Variants in ANO6 observed in about 807,000 individuals in gnomAD.
ANO6 encodes the protein anoctamin 6, also known as anoctamin-6.
In ANO6, 106 loss-of-function variants were observed where a neutral mutation model predicts 117.5. The ratio of observed to expected loss-of-function variants is 0.90; its 90% CI spans 0.77 to 1.06. The LOEUF (loss-of-function observed/expected upper bound fraction) is 1.06. Ranked by LOEUF, ANO6 falls within the 50% of genes least tolerant of loss-of-function variation. The probability of loss-of-function intolerance (pLI) is 0.00; values close to 1 mark genes in which losing one functional copy is unlikely to be tolerated. For synonymous variants in ANO6, 367 were observed against 385.1 expected (o/e 0.95, Z 0.55); for missense variants, 955 against 1,121.1 (o/e 0.85, Z 2.12).
chr12:45,218,390 CTTTTTTT>C (rs76855973), intron 1 of ANO6, among the ~76,000 whole-genome samples: 11 of 110,134 alleles, frequency 1.0e-4, no homozygotes, highest in Non-Finnish European at 1.4e-4. Context: ...CTTTCTTTCT[CTTTTTTT>C]TTTTTTTTTT....
At chr12:45,319,195 G>A (rs541632282) in intron 2 of ANO6, among the ~76,000 whole-genome samples, 15 of 152,260 alleles carry the variant, frequency 9.9e-5, no homozygotes, top group Admixed American at 2.0e-4. Flanking sequence ...TCTTGTGCCA[G>A]GTTTCAAAGG....
At chr12:45,340,933 A>G (rs887847905) in intron 3 of ANO6, among the ~76,000 whole-genome samples, 3 of 152,212 alleles carry the variant, frequency 2.0e-5, no homozygotes, top group African/African-American at 7.2e-5. Context: ...CTGACAAACC[A>G]AGAAAACTGG....
chr12:45,301,983 T>A, intron 1 of ANO6, 31 bp from the exon 2 acceptor site: 1 of 1,599,256 alleles, frequency 6.3e-7, no homozygotes, highest in Non-Finnish European at 8.6e-7. Flanking sequence ...AGGTTCATGC[T>A]TCATTTGTTT....
At chr12:45,263,091 T>A (rs187388905) in intron 1 of ANO6, among the ~76,000 whole-genome samples, 152 of 152,034 alleles carry the variant, frequency 1.0e-3, no homozygotes, top group African/African-American at 1.9e-3. Context: ...TTTGCTGTTA[T>A]AAATAATATT....
rs923991030 is a variant in ANO6, at chr12:45,390,604, T to C, written c.1386+106T>C. 8.8e-6 allele frequency: 9 copies of C among 1,021,982 alleles called. No homozygotes were observed. The African/African-American group carries it at 1.3e-4, about 15-fold the overall frequency. The allele number at this position is 1,021,982 out of a possible 1,614,324, so 63.3% of individuals were successfully genotyped here. A position where few individuals can be genotyped will look rare whatever the true frequency, so the allele number is the denominator to read the frequency against. ...TGTTGAGGAAACTAAATGCTGAGCC[T>C]GGAAACTATATGGTCTCAGAGAGAC... is the stretch of plus-strand genomic sequence containing the variant. On this transcript the variant is annotated intron_variant, in intron 12 of 19. Coordinates refer to ENST00000320560, the MANE Select transcript of ANO6 (RefSeq NM_001025356.3).
At chr12:45,354,035 A>G (rs1210274822) in intron 7 of ANO6, among the ~76,000 whole-genome samples, 3 of 152,180 alleles carry the variant, frequency 2.0e-5, no homozygotes, top group African/African-American at 4.8e-5. Flanking sequence ...GGATTGTGAG[A>G]AACCAGGGGA....
At chr12:45,403,712 A>G (rs1247067160) in intron 15 of ANO6, among the ~76,000 whole-genome samples, 176 bp downstream of exon 15, 1 of 152,186 alleles carries the variant, frequency 6.6e-6, no homozygotes, top group Admixed American at 6.5e-5. Context: ...AACAATGCAA[A>G]TGTATCCAGG....
At chr12:45,366,319 G>T (rs1237073417) in intron 8 of ANO6, among the ~76,000 whole-genome samples, 1 of 151,250 alleles carries the variant, frequency 6.6e-6, no homozygotes, top group Non-Finnish European at 1.5e-5. Context: ...TTCGTTTCTT[G>T]TTTATGCAAT....
chr12:45,429,129 T>G lies in ANO6; in HGVS notation c.2551T>G (p.Phe851Val). ...MEHVIYSVKF[F>V]ISYAIPDVSK... The stretch of plus-strand genomic sequence containing the variant: ...GCACGTCATCTACTCTGTGAAATTT[T>G]TCATTTCATATGCAATTCCCGATGT... The change falls in exon 20 of 20, where the codon TTC (phenylalanine) becomes GTC (valine). Residue 851 changes from phenylalanine to valine, a missense_variant. Coordinates refer to ENST00000320560, the MANE Select transcript of ANO6 (RefSeq NM_001025356.3). 6.2e-7 allele frequency: 1 copy of G among 1,613,784 alleles called. No individual in the cohort carries two copies.
rs1414832121 is a variant in ANO6, at chr12:45,430,322, A to C, written c.*1011A>C. On this transcript the variant is annotated 3_prime_UTR_variant, in exon 20 of 20. Coordinates refer to ENST00000320560, the MANE Select transcript of ANO6 (RefSeq NM_001025356.3). ...TTTGTGAATGGCTCACTACACAGCC[A>C]TTGGGGTACAACTGTGTGCATGGGC... 2 of 985,346 alleles carry C rather than the reference A, an allele frequency of 2.0e-6. No homozygotes were observed. Among genetic ancestry groups the C allele is most frequent in the East Asian group, 2.3e-4 (2 of 8,832 alleles). 61.0% of individuals were successfully genotyped at this position (985,346 alleles called of 1,614,324 possible). A position where few individuals can be genotyped will look rare whatever the true frequency, so the allele number is the denominator to read the frequency against.
At chr12:45,304,826 G>A (rs953545338) in intron 2 of ANO6, among the ~76,000 whole-genome samples, 6 of 152,154 alleles carry the variant, frequency 3.9e-5, no homozygotes, top group African/African-American at 1.4e-4. Context: ...CACAGCTGAG[G>A]TGTCTCTAAT....
chr12:45,317,107 T>TTATGTGTGTGTGTGTATATA (rs1185224135), intron 2 of ANO6, among the ~76,000 whole-genome samples: 10 of 12,494 alleles, frequency 8.0e-4, no homozygotes, highest in African/African-American at 8.9e-4. Flanking sequence ...TGGATTCTTT[T>TTATGTGTGTGTGTGTATATA]TATATGTATA....
At chr12:45,295,063 G>T (rs1355051135) in intron 1 of ANO6, among the ~76,000 whole-genome samples, 1 of 152,222 alleles carries the variant, frequency 6.6e-6, no homozygotes, top group Non-Finnish European at 1.5e-5. Flanking sequence ...AGCGTTAAGT[G>T]AGGTGCCTGA....
Position 45,216,389 on chromosome 12 carries a change from T to C in ANO6, c.68T>C (p.Ile23Thr). The change falls in exon 1 of 20, where the codon ATC becomes ACC. Residue 23 changes from isoleucine (I) to threonine (T), a missense_variant and splice_region_variant. Physicochemically the swap from Ile to Thr is moderately conservative, Grantham distance 89. Transcript: ENST00000320560. ...EEEEDDDDGD[I>T]VLENLGQTIV... ...GAGGAGGACGACGACGATGGGGATA[T>C]CGGTGAGCGAGGGGTCCCCGCGTCC... 6.2e-7 allele frequency: 1 copy of C among 1,611,816 alleles called. No individual in the cohort carries two copies. Among genetic ancestry groups the C allele is most frequent in the Non-Finnish European group, 8.5e-7 (1 of 1,179,104 alleles).
At chr12:45,238,010 A>T (rs1173825949) in intron 1 of ANO6, among the ~76,000 whole-genome samples, 1 of 152,018 alleles carries the variant, frequency 6.6e-6, no homozygotes, top group Non-Finnish European at 1.5e-5. Context: ...TTCACTCATG[A>T]TTTGGCTCTC....
intron 3 of ANO6, among the ~76,000 whole-genome samples, chr12:45,334,741 G>A (rs1194525861): frequency 2.0e-5 from 3 of 152,028 alleles, no homozygotes; most frequent in African/African-American, 7.2e-5. Flanking sequence ...GCAGCCAGCA[G>A]TATCTGGCAC....
At chr12:45,385,902 C>T (rs1210185299) in intron 10 of ANO6, among the ~76,000 whole-genome samples, 1 of 152,152 alleles carries the variant, frequency 6.6e-6, no homozygotes, top group Non-Finnish European at 1.5e-5. Context: ...GTTGTCTTTG[C>T]CATTGGGGAG....
At position 45,421,178 on chromosome 12, in the gene ANO6, C is replaced by T. The variant is rs1268217473; in HGVS notation, c.2325C>T (p.Tyr775=). The change falls in exon 18 of 20, where the codon TAC becomes TAT. Residue 775 remains tyrosine, a synonymous_variant. Coordinates refer to ENST00000320560, the MANE Select transcript of ANO6 (RefSeq NM_001025356.3). ...ACACTTCCTACACCATGGAAGGGTA[C>T]ATCAACAACACTCTCTCCATCTTCA... ...GDHTSYTMEG[Y]INNTLSIFKV... The T allele has an allele frequency of 3.7e-6, 6 of 1,614,026 alleles. No homozygotes were observed. Among genetic ancestry groups the T allele is most frequent in the Non-Finnish European group, 3.4e-6 (4 of 1,180,014 alleles).
chr12:45,426,572 T>C (rs1390914131), intron 19 of ANO6, among the ~76,000 whole-genome samples: 1 of 152,038 alleles, frequency 6.6e-6, no homozygotes, highest in Non-Finnish European at 1.5e-5. Context: ...AACCCTCCCC[T>C]CACCTGACTT....
Sources: allele counts gnomAD v4.1 joint callset (sites outside exome capture counted in the v4.1 genomes callset), GRCh38; gene constraint gnomAD v4.1.1; transcripts MANE v1.5; gene names NCBI Gene and HGNC (gene_info 2026-07-23, HGNC 2026-07-21).